Variants in NRIP1 observed in about 807,000 individuals in gnomAD.
NRIP1 encodes nuclear receptor-interacting protein 1.
Under a neutral mutation model 75.0 loss-of-function variants are expected in NRIP1, and 28 were observed. The ratio of observed to expected loss-of-function variants is 0.37; its 90% confidence interval spans 0.28 to 0.51. NRIP1 has a LOEUF of 0.51. Ranked by LOEUF, NRIP1 falls within the 20% of genes least tolerant of loss-of-function variation. The pLI is 0.92. For missense variants in NRIP1, 1,435 were observed against 1,343.7 expected, an observed-to-expected ratio of 1.07 and a Z score of -1.06; for synonymous variants, 526 against 487.6, an observed-to-expected ratio of 1.08 and a Z score of -1.04.
At chr21:15,024,524 ACT>A (rs1296043639) in intron 2 of NRIP1, among the ~76,000 whole-genome samples, 1 of 151,304 alleles carries the variant, frequency 6.6e-6, no homozygotes, top group African/African-American at 2.4e-5. Flanking sequence ...CCTGGGCGAC[ACT>A]CTGTCTCATA....
At chr21:14,992,684 A>G (rs2087606991) in intron 3 of NRIP1, 1 of 152,178 alleles carries the variant, frequency 6.6e-6, no homozygotes, top group Admixed American at 6.5e-5. Flanking sequence ...GAAAGAAAGA[A>G]TATTCTTTCA....
chr21:15,049,036 C>T (rs528834632), intron 1 of NRIP1, among the ~76,000 whole-genome samples: 4 of 152,078 alleles, frequency 2.6e-5, no homozygotes, highest in Non-Finnish European at 2.9e-5. Flanking sequence ...ATAAGTCCAT[C>T]ATATATTATG....
chr21:15,019,056 T>G (rs1252523615), intron 2 of NRIP1, among the ~76,000 whole-genome samples: 1 of 151,548 alleles, frequency 6.6e-6, no homozygotes, highest in Non-Finnish European at 1.5e-5. Flanking sequence ...TGATTTTTCC[T>G]GTATCTATCG....
intron 3 of NRIP1, among the ~76,000 whole-genome samples, chr21:15,000,971 T>C (rs1429424136): frequency 5.3e-5 from 8 of 152,304 alleles, no homozygotes; most frequent in Admixed American, 3.9e-4. Context: ...TGCTTAAAAA[T>C]GCTTCTTCAC....
At chr21:15,054,615 C>T (rs1287303191) in intron 1 of NRIP1, among the ~76,000 whole-genome samples, 1 of 152,048 alleles carries the variant, frequency 6.6e-6, no homozygotes, top group African/African-American at 2.4e-5. Context: ...AAAGAAAAAA[C>T]GTGGAAGAGC....
intron 1 of NRIP1, among the ~76,000 whole-genome samples, chr21:15,059,358 T>C (rs2089375039): frequency 6.6e-6 from 1 of 152,152 alleles, no homozygotes; most frequent in Non-Finnish European, 1.5e-5. Context: ...TTCCCTGAGG[T>C]GTAAGAAATT....
At chr21:15,065,577 A>C (rs1307230223), upstream of NRIP1, 2 of 151,660 alleles carry the variant, frequency 1.3e-5, no homozygotes, top group African/African-American at 4.9e-5. Context: ...CCCACCCCCA[A>C]TTTCTATCTC....
At position 15,044,093 on chromosome 21, in the gene NRIP1, A is replaced by G. The variant is rs527688332; in HGVS notation, c.-537-519T>C. 7.2e-5 allele frequency among the ~76,000 whole-genome samples: 11 copies of G among 152,278 alleles called. No individual in the cohort carries two copies. In the East Asian group the frequency reaches 1.9e-3, roughly 27 times the overall value. ...CTCGGCCTCCCAAAGTGCTGGGATT[A>G]CAGGCGTGAGCCAGCACACCCGGCC... is the stretch of plus-strand genomic sequence containing the variant. On this transcript the variant is annotated intron_variant, in intron 1 of 3. Transcript: ENST00000318948.
intron 3 of NRIP1, among the ~76,000 whole-genome samples, chr21:14,998,702 C>T (rs2087787095): frequency 6.6e-6 from 1 of 152,204 alleles, no homozygotes; most frequent in Admixed American, 6.5e-5. Flanking sequence ...TTATGATCTA[C>T]TTCCACTTAG....
chr21:15,058,057 C>T (rs899092534), intron 1 of NRIP1, among the ~76,000 whole-genome samples: 8 of 152,280 alleles, frequency 5.3e-5, no homozygotes, highest in South Asian at 2.1e-4. Flanking sequence ...CTGTCAACAA[C>T]GGCATATACT....
intron 1 of NRIP1, among the ~76,000 whole-genome samples, chr21:15,043,945 A>G (rs1353509426): frequency 2.0e-5 from 3 of 152,232 alleles, no homozygotes; most frequent in Non-Finnish European, 4.4e-5. Flanking sequence ...CAGTCTCCCA[A>G]GTAGCTGGGA....
rs1252583334 is a variant in NRIP1 at position 14,964,824 on chromosome 21, G to A, written c.3369C>T (p.Ser1123=). Residue 1123 remains serine, a synonymous_variant, in exon 4 of 4, where the codon AGC becomes AGT. Transcript: ENST00000318948. The part of the protein sequence containing the change: ...ETKASFFNLR[S]PYNSHMGNNA... ...TATTTCCCATATGGCTATTGTAAGG[G>A]CTTCTTAAATTAAAGAAAGAAGCTT... is the stretch of plus-strand genomic sequence containing the variant. The A allele has an allele frequency of 1.2e-6, 2 of 1,613,400 alleles. No homozygotes were observed. Among genetic ancestry groups the A allele is most frequent in the Non-Finnish European group, 1.7e-6 (2 of 1,179,714 alleles).
intron 3 of NRIP1, among the ~76,000 whole-genome samples, chr21:14,982,979 C>G (rs2087287819): frequency 6.6e-6 from 1 of 152,044 alleles, no homozygotes; most frequent in Admixed American, 6.6e-5. Flanking sequence ...TCTGATTGCT[C>G]CACCACTTAG....
chr21:14,988,454 T>C (rs181919092), intron 3 of NRIP1, among the ~76,000 whole-genome samples: 2,473 of 122,484 alleles, frequency 0.02, 39 homozygotes, highest in Middle Eastern at 0.045. Flanking sequence ...GATAGATAGA[T>C]AGACAGACAG....
chr21:14,994,060 G>A (rs764521911), intron 3 of NRIP1, among the ~76,000 whole-genome samples: 1 of 151,916 alleles, frequency 6.6e-6, no homozygotes, highest in Non-Finnish European at 1.5e-5. Context: ...CACAATAAGC[G>A]TATTGATTCC....
chr21:15,047,308 G>A (rs1313359512), intron 1 of NRIP1, among the ~76,000 whole-genome samples: 6 of 152,098 alleles, frequency 3.9e-5, no homozygotes, highest in Admixed American at 6.5e-5. Context: ...TTGGGAGGCC[G>A]AGGCAGGCAG....
In NRIP1 at chr21:14,964,483, T is replaced by G. The variant is rs1056930; in HGVS notation, c.*233A>C. The G allele has an allele frequency of 5.7e-5, 21 of 369,180 alleles. No homozygotes were observed. Among genetic ancestry groups the G allele is most frequent in the Non-Finnish European group, 9.7e-6 (2 of 206,628 alleles). The allele number at this position is 369,180 out of a possible 1,614,324, so 22.9% of individuals were successfully genotyped here. A position where few individuals can be genotyped will look rare whatever the true frequency, so the allele number is the denominator to read the frequency against. On this transcript the variant is annotated 3_prime_UTR_variant, in exon 4 of 4. Transcript: ENST00000318948. ...TAGGCTACTCACAGTTGTTATCTGA[T>G]GCATACAGAAGTGTTAAACAACCAA...
At chr21:15,053,326 T>C (rs754676293) in intron 1 of NRIP1, among the ~76,000 whole-genome samples, 2 of 152,166 alleles carry the variant, frequency 1.3e-5, no homozygotes, top group Non-Finnish European at 2.9e-5. Flanking sequence ...CATGGATGTG[T>C]AAAATGTAAA....
intron 3 of NRIP1, among the ~76,000 whole-genome samples, chr21:15,005,552 C>A (rs571484797): frequency 6.6e-6 from 1 of 152,116 alleles, no homozygotes; most frequent in East Asian, 1.9e-4. Flanking sequence ...TGCCTGCAGG[C>A]GCCCTTGTAC....
Sources: gnomAD v4.1 joint callset for allele counts (sites outside exome capture counted in the v4.1 genomes callset) on GRCh38, gnomAD v4.1.1 for gene constraint, MANE v1.5 for transcripts, NCBI Gene and HGNC (gene_info 2026-07-23, HGNC 2026-07-21) for gene names.